DNAJC1: variants seen among roughly 807,000 people sequenced by gnomAD.
DNAJC1 encodes DnaJ heat shock protein family (Hsp40) member C1.
DNAJC1 carries 58 observed loss-of-function variants against 76.6 expected under a neutral mutation model. The observed-to-expected ratio is 0.76, with a 90% CI of 0.61 to 0.94. DNAJC1 has a LOEUF of 0.94. DNAJC1 is among the 40% of genes least tolerant of loss of function. The pLI is 0.00. For synonymous variants in DNAJC1, 258 were observed against 267.9 expected (o/e 0.96, Z 0.36); for missense variants, 689 against 677.3 (o/e 1.02, Z -0.19).
intron 9 of DNAJC1, among the ~76,000 whole-genome samples, chr10:21,770,279 T>C (rs1414660852): frequency 2.6e-5 from 4 of 152,210 alleles, no homozygotes; most frequent in Non-Finnish European, 5.9e-5. Flanking sequence ...TTTTTTCATG[T>C]GTTTATTGGA....
chr10:21,986,007 CACCAGGTCAGGAGAT>C (rs1415960113), intron 1 of DNAJC1, among the ~76,000 whole-genome samples: 1 of 152,154 alleles, frequency 6.6e-6, no homozygotes, highest in Non-Finnish European at 1.5e-5. Flanking sequence ...GCGGGCAGAT[CACCAGGTCAGGAGAT>C]GGAGACCATC....
intron 1 of DNAJC1, among the ~76,000 whole-genome samples, chr10:21,989,482 AGACGAAACCAGAAGTCT>A (rs1282117632): frequency 6.6e-6 from 1 of 152,188 alleles, no homozygotes; most frequent in African/African-American, 2.4e-5. Flanking sequence ...ACAAGTAGGC[AGACGAAACCAGAAGTCT>A]GACTCCCATA....
At chr10:21,908,084 T>A (rs10828273) in intron 6 of DNAJC1, among the ~76,000 whole-genome samples, 7 of 112,310 alleles carry the variant, frequency 6.2e-5, no homozygotes, top group East Asian at 2.2e-4. Context: ...AAATATATAT[T>A]ATATATAAAA....
intron 9 of DNAJC1, among the ~76,000 whole-genome samples, chr10:21,777,172 T>G (rs999994476): frequency 6.6e-6 from 1 of 152,204 alleles, no homozygotes; most frequent in African/African-American, 2.4e-5. Flanking sequence ...TGTATGTGAT[T>G]ATAACTGGTA....
intron 1 of DNAJC1, among the ~76,000 whole-genome samples, chr10:21,997,365 A>G (rs745353430): frequency 1.1e-4 from 17 of 152,214 alleles, no homozygotes; most frequent in Non-Finnish European, 1.8e-4. Flanking sequence ...TGGGCTTGCT[A>G]GCAATTTGTG....
chr10:21,959,721 G>C (rs1262791079), intron 1 of DNAJC1, among the ~76,000 whole-genome samples: 1 of 151,238 alleles, frequency 6.6e-6, no homozygotes, highest in East Asian at 2.0e-4. Context: ...GGGAGGCAGA[G>C]GTTGCAGTGA....
chr10:22,003,317 CCAGCAGCAGCAGCAGCAGCCA>C lies in DNAJC1; in HGVS notation c.97_117del (p.Trp33_Leu39del). 6.6e-7 allele frequency: 1 copy of C among 1,517,320 alleles called. No homozygotes were observed. The highest frequency in any genetic ancestry group is 8.8e-7 in the Non-Finnish European group (1 of 1,132,774). 94.0% of individuals were successfully genotyped at this position (1,517,320 alleles called of 1,614,324 possible). On this transcript the variant is annotated inframe_deletion, in exon 1 of 12. Coordinates refer to ENST00000376980, the MANE Select transcript of DNAJC1 (RefSeq NM_022365.4). ...CAGCCGCGCGCCGGCGCCACGGCGG[CCAGCAGCAGCAGCAGCAGCCA>C]CAGCAGCGGCGTCCGCGGCGGCGGC...
At chr10:21,919,451 T>G (rs1454129720) in intron 5 of DNAJC1, among the ~76,000 whole-genome samples, 1 of 151,978 alleles carries the variant, frequency 6.6e-6, no homozygotes, top group Non-Finnish European at 1.5e-5. Flanking sequence ...TTCCTTTCTA[T>G]GAATCAATAG....
At chr10:21,908,146 AAT>A (rs1315698135) in intron 6 of DNAJC1, among the ~76,000 whole-genome samples, 44 of 109,464 alleles carry the variant, frequency 4.0e-4, no homozygotes, top group African/African-American at 1.6e-3. Context: ...AAAAATATAT[AAT>A]ATATAATATA....
chr10:21,762,885 G>A (rs537592456), intron 10 of DNAJC1, among the ~76,000 whole-genome samples: 4 of 152,048 alleles, frequency 2.6e-5, no homozygotes, highest in African/African-American at 9.7e-5. Flanking sequence ...ACATTGTTTT[G>A]GCCATAGAAT....
rs528441081 is a variant in DNAJC1 at position 21,852,029 on chromosome 10, A to G, written c.978+30253T>C. ...GATCACGCCGCTGCACTCCAGCCTG[A>G]GCGACAGAGTGAGACTCTGTCTCAA... On this transcript the variant is annotated intron_variant, in intron 8 of 11. Transcript: ENST00000376980. Among the ~76,000 whole-genome samples, 3 of 151,894 alleles carry G rather than the reference A, an allele frequency of 2.0e-5. No homozygotes were observed. In the South Asian group the frequency reaches 6.2e-4, roughly 32 times the overall value.
chr10:21,845,655 A>G lies in DNAJC1; in HGVS notation c.978+36627T>C, dbSNP rs534079721. 7.9e-5 allele frequency among the ~76,000 whole-genome samples: 12 copies of G among 152,240 alleles called. No homozygotes were observed. In the South Asian group the frequency reaches 1.9e-3, roughly 24 times the overall value. ...CCCTGCCTAGGACATTAATTTTTAAACTGGGCTCTAAAACTAACTGGTGGC... is the reference window on the plus strand; with the variant it reads ...CCCTGCCTAGGACATTAATTTTTAAGCTGGGCTCTAAAACTAACTGGTGGC... On this transcript the variant is annotated intron_variant, in intron 8 of 11. Transcript: ENST00000376980.
chr10:21,991,871 G>A (rs12256683), intron 1 of DNAJC1, among the ~76,000 whole-genome samples: 2 of 152,216 alleles, frequency 1.3e-5, no homozygotes, highest in Admixed American at 6.5e-5. Flanking sequence ...GTACCTGTTA[G>A]CTATATGCCT....
At chr10:21,888,938 A>G (rs981916791) in intron 7 of DNAJC1, among the ~76,000 whole-genome samples, 3 of 152,216 alleles carry the variant, frequency 2.0e-5, no homozygotes, top group African/African-American at 7.2e-5. Context: ...TTTTAGGTTC[A>G]CATGTTCCCC....
chr10:21,882,224 T>C (rs1836293369), intron 8 of DNAJC1, 58 bp downstream of exon 8: 6 of 1,477,854 alleles, frequency 4.1e-6, no homozygotes, highest in Non-Finnish European at 1.8e-6. Context: ...TAACCCTGTA[T>C]TTTATGTGCT....
chr10:21,934,533 G>A (rs1289529296), intron 1 of DNAJC1, among the ~76,000 whole-genome samples: 2 of 152,076 alleles, frequency 1.3e-5, no homozygotes, highest in African/African-American at 4.8e-5. Context: ...CCCGCAAGAT[G>A]TATTCATAGT....
intron 9 of DNAJC1, among the ~76,000 whole-genome samples, chr10:21,805,763 T>C (rs1469014997): frequency 6.6e-6 from 1 of 152,194 alleles, no homozygotes; most frequent in Non-Finnish European, 1.5e-5. Context: ...CTTAAGTCTC[T>C]AAACACTAGA....
chr10:21,874,633 C>CAG (rs1836156009), intron 8 of DNAJC1, among the ~76,000 whole-genome samples: 1 of 152,120 alleles, frequency 6.6e-6, no homozygotes, highest in Non-Finnish European at 1.5e-5. Flanking sequence ...GAGGGGAGAT[C>CAG]AGAGAATTGC....
At chr10:21,979,940 A>C (rs1838126440) in intron 1 of DNAJC1, among the ~76,000 whole-genome samples, 1 of 151,758 alleles carries the variant, frequency 6.6e-6, no homozygotes, top group South Asian at 2.1e-4. Flanking sequence ...TTGCAGTCAA[A>C]AGTCCTATGA....
Sources: allele counts gnomAD v4.1 joint callset (sites outside exome capture counted in the v4.1 genomes callset), GRCh38; gene constraint gnomAD v4.1.1; transcripts MANE v1.5; gene names NCBI Gene and HGNC (gene_info 2026-07-23, HGNC 2026-07-21).